The following DPYD variants were observed in gnomAD, a reference collection of about 807,000 sequenced individuals.
The protein encoded by DPYD is dihydropyrimidine dehydrogenase.
In DPYD, 109 loss-of-function variants were observed where a neutral mutation model predicts 116.2. The ratio of observed to expected loss-of-function variants is 0.94; its 90% CI spans 0.80 to 1.10. The LOEUF (loss-of-function observed/expected upper bound fraction) is 1.10, where lower values mean the gene tolerates loss of function less well. Ranked by LOEUF, DPYD falls within the 50% of genes least tolerant of loss-of-function variation. The pLI, the probability that DPYD is intolerant of heterozygous loss-of-function variation, is 0.00. For synonymous variants in DPYD, 440 were observed against 432.0 expected (o/e 1.02, Z -0.23); for missense variants, 1,302 against 1,254.5 (o/e 1.04, Z -0.57).
At chr1:97,692,410 C>T (rs1661056444) in intron 6 of DPYD, among the ~76,000 whole-genome samples, 1 of 151,738 alleles carries the variant, frequency 6.6e-6, no homozygotes, top group African/African-American at 2.4e-5. Flanking sequence ...TATATTAATG[C>T]CTATTGCCTG....
chr1:97,547,204 T>A (rs960390216), intron 12 of DPYD, among the ~76,000 whole-genome samples: 14 of 152,066 alleles, frequency 9.2e-5, no homozygotes, highest in African/African-American at 3.4e-4. Context: ...CTGCAAATGA[T>A]AATAAATCCT....
At chr1:97,418,856 C>T (rs1424613884) in intron 14 of DPYD, among the ~76,000 whole-genome samples, 1 of 151,998 alleles carries the variant, frequency 6.6e-6, no homozygotes, top group Non-Finnish European at 1.5e-5. Flanking sequence ...TTAATGGACA[C>T]AGGTTTCAGC....
At chr1:97,264,514 T>C (rs1664105546) in intron 18 of DPYD, among the ~76,000 whole-genome samples, 1 of 151,958 alleles carries the variant, frequency 6.6e-6, no homozygotes, top group Admixed American at 6.6e-5. Flanking sequence ...AATTGAAAAT[T>C]CCAGTGATTT....
intron 13 of DPYD, among the ~76,000 whole-genome samples, chr1:97,505,747 C>A (rs1435333669): frequency 6.6e-6 from 1 of 151,814 alleles, no homozygotes; most frequent in Non-Finnish European, 1.5e-5. Context: ...TCAAATCTTG[C>A]CCAGATACCT....
intron 4 of DPYD, among the ~76,000 whole-genome samples, chr1:97,738,564 A>C (rs995108043): frequency 1.3e-5 from 2 of 152,138 alleles, no homozygotes; most frequent in African/African-American, 4.8e-5. Flanking sequence ...GTCCACTGGC[A>C]AAGCAATGTG....
intron 12 of DPYD, 99 bp from the exon 13 acceptor site, chr1:97,516,040 A>G (rs182731798): frequency 8.6e-7 from 1 of 1,159,412 alleles, no homozygotes; most frequent in Non-Finnish European, 1.3e-6. Flanking sequence ...CCGAATTAAT[A>G]TAGATTACAA....
intron 19 of DPYD, among the ~76,000 whole-genome samples, chr1:97,197,473 G>T (rs1658896715): frequency 6.6e-6 from 1 of 152,060 alleles, no homozygotes; most frequent in Non-Finnish European, 1.5e-5. Flanking sequence ...GGATTTTCAT[G>T]ATTATTGTAA....
Position 97,691,801 on chromosome 1 carries a change from GA to G in DPYD, c.681-4del, listed in dbSNP as rs1377377404. On this transcript the variant is annotated splice_region_variant and splice_polypyrimidine_tract_variant and intron_variant, in intron 6 of 22. Coordinates refer to ENST00000370192, the MANE Select transcript of DPYD (RefSeq NM_000110.4). Reference sequence around the variant, plus strand: ...GGAACTGAGGAATTTCAGAAGTACTGAAAAGAAAGGAGAAAGAAAAACAGGC... The same window carrying G: ...GGAACTGAGGAATTTCAGAAGTACTGAAAGAAAGGAGAAAGAAAAACAGGC... The G allele has an allele frequency of 1.7e-5, 27 of 1,612,868 alleles. No homozygotes were observed. Among genetic ancestry groups the G allele is most frequent in the Non-Finnish European group, 2.1e-5 (25 of 1,179,244 alleles).
At chr1:97,914,018 G>T (rs1285477697) in intron 1 of DPYD, among the ~76,000 whole-genome samples, 1 of 152,074 alleles carries the variant, frequency 6.6e-6, no homozygotes, top group Non-Finnish European at 1.5e-5. Context: ...GCCTCAAGGG[G>T]ACATTCATAA....
intron 4 of DPYD, among the ~76,000 whole-genome samples, chr1:97,736,487 T>C (rs184182920): frequency 9.2e-5 from 14 of 151,692 alleles, no homozygotes; most frequent in East Asian, 3.9e-4. Flanking sequence ...ACTGAAAAAA[T>C]TGACAAAAAT....
At chr1:97,748,471 T>C (rs1664684443) in intron 3 of DPYD, among the ~76,000 whole-genome samples, 1 of 152,014 alleles carries the variant, frequency 6.6e-6, no homozygotes, top group Non-Finnish European at 1.5e-5. Context: ...TAGCCAGGCG[T>C]GGTGGCACGC....
intron 4 of DPYD, among the ~76,000 whole-genome samples, chr1:97,728,187 T>C (rs1370992692): frequency 6.6e-6 from 1 of 151,970 alleles, no homozygotes; most frequent in Non-Finnish European, 1.5e-5. Context: ...AAAAATAATA[T>C]TTGAAATGTT....
chr1:97,792,273 T>A (rs1667358128), intron 3 of DPYD, among the ~76,000 whole-genome samples: 1 of 151,842 alleles, frequency 6.6e-6, no homozygotes, highest in South Asian at 2.1e-4. Flanking sequence ...TTTATTTTTT[T>A]ATTTTATTTT....
At chr1:97,749,508 G>A (rs1464351366) in intron 3 of DPYD, among the ~76,000 whole-genome samples, 1 of 152,070 alleles carries the variant, frequency 6.6e-6, no homozygotes, top group South Asian at 2.1e-4. Context: ...AGTTTTAATA[G>A]AGAATTTTAA....
chr1:97,655,355 T>C (rs1028346006), intron 8 of DPYD, among the ~76,000 whole-genome samples: 7 of 152,178 alleles, frequency 4.6e-5, no homozygotes, highest in African/African-American at 1.7e-4. Context: ...GGCTAAGACA[T>C]GGTCTCTTGA....
intron 3 of DPYD, among the ~76,000 whole-genome samples, chr1:97,825,496 G>A (rs188868418): frequency 7.9e-5 from 12 of 151,994 alleles, no homozygotes. Context: ...GAGCCACTTA[G>A]GGGCTGCTAA....
At chr1:97,323,679 T>C (rs1020799275) in intron 16 of DPYD, among the ~76,000 whole-genome samples, 1 of 90,688 alleles carries the variant, frequency 1.1e-5, no homozygotes. Flanking sequence ...ATCATATATA[T>C]ACATATATGT....
chr1:97,448,167 T>G (rs1158356989), intron 14 of DPYD, among the ~76,000 whole-genome samples: 1 of 152,112 alleles, frequency 6.6e-6, no homozygotes, highest in Non-Finnish European at 1.5e-5. Context: ...CAGCGAGCCA[T>G]GATGGCGCCA....
intron 3 of DPYD, among the ~76,000 whole-genome samples, chr1:97,753,363 A>G (rs1044338880): frequency 6.6e-6 from 1 of 152,168 alleles, no homozygotes; most frequent in East Asian, 1.9e-4. Context: ...TATCTCTGCC[A>G]TTTCCTCAGA....
Sources: allele counts gnomAD v4.1 joint callset (sites outside exome capture counted in the v4.1 genomes callset), GRCh38; gene constraint gnomAD v4.1.1; transcripts MANE v1.5; gene names NCBI Gene and HGNC (gene_info 2026-07-23, HGNC 2026-07-21).